Variants in SPOCK3 observed in about 807,000 individuals in gnomAD.
SPOCK3 encodes the protein SPARC (osteonectin), cwcv and kazal like domains proteoglycan 3.
A neutral mutation model predicts 56.6 loss-of-function variants in SPOCK3; 30 were observed. That is an observed-to-expected ratio of 0.53 (90% CI 0.40 to 0.72). SPOCK3 has a LOEUF of 0.72. SPOCK3 is among the 30% of genes least tolerant of loss of function. The pLI, the probability that SPOCK3 is intolerant of heterozygous loss-of-function variation, is 0.00. For synonymous variants in SPOCK3, 196 were observed against 183.3 expected (o/e 1.07, Z -0.56); for missense variants, 527 against 530.0 (o/e 0.99, Z 0.06).
At chr4:167,117,742 A>G (rs34560893) in intron 2 of SPOCK3, among the ~76,000 whole-genome samples, 3,924 of 152,268 alleles carry the variant, frequency 0.026, 83 homozygotes, top group Middle Eastern at 0.065. Context: ...CTGAGAACTG[A>G]TGGTTAGGCT....
At chr4:166,750,041 A>C (rs932187216) in intron 8 of SPOCK3, among the ~76,000 whole-genome samples, 1 of 152,192 alleles carries the variant, frequency 6.6e-6, no homozygotes, top group Non-Finnish European at 1.5e-5. Context: ...AATTTTGATT[A>C]GTAACCTCAG....
At chr4:167,103,222 T>C (rs554364458) in intron 2 of SPOCK3, among the ~76,000 whole-genome samples, 5 of 152,190 alleles carry the variant, frequency 3.3e-5, no homozygotes, top group African/African-American at 1.2e-4. Context: ...ACCATGGACC[T>C]TGAGTAAGAT....
In SPOCK3 at chr4:166,931,734, A is replaced by C. The variant is rs182908352; in HGVS notation, c.351-18991T>G. Among the ~76,000 whole-genome samples the C allele has an allele frequency of 2.3e-3, 345 of 152,286 alleles. 1 individual carries two copies. The highest frequency in any genetic ancestry group is 3.3e-3 in the Non-Finnish European group (223 of 68,014). On this transcript the variant is annotated intron_variant, in intron 4 of 10. Coordinates refer to ENST00000357545, the MANE Select transcript of SPOCK3 (RefSeq NM_001040159.2). ...AAAGTTCATTTCCCAAGTATTGATC[A>C]CTTGTGTTATGTTTTCTAATTCTGA...
At chr4:166,979,181 T>G (rs530068640) in intron 4 of SPOCK3, among the ~76,000 whole-genome samples, 2 of 152,294 alleles carry the variant, frequency 1.3e-5, no homozygotes, top group Non-Finnish European at 2.9e-5. Context: ...TCTTTATTTC[T>G]GGTGAGACTG....
chr4:167,234,008 C>T lies in SPOCK3; in HGVS notation c.166G>A (p.Gly56Arg), dbSNP rs949338531. The T allele has an allele frequency of 2.5e-6, 4 of 1,613,934 alleles. No individual in the cohort carries two copies. Among genetic ancestry groups the T allele is most frequent in the Non-Finnish European group, 3.4e-6 (4 of 1,179,900 alleles). ...ACGTCTCGGAATTTGTTCCACTGTCCGACTTCCTTGTCATACTGAGAGATT... is the reference window on the plus strand; with the variant it reads ...ACGTCTCGGAATTTGTTCCACTGTCTGACTTCCTTGTCATACTGAGAGATT... ...TTISQYDKEV[G>R]QWNKFRDDDY... is the part of the protein sequence containing the mutation. Residue 56 changes from glycine to arginine, a missense_variant, in exon 2 of 11, where the codon GGA (glycine) becomes AGA (arginine). Gly to Arg is a moderately radical substitution (Grantham distance 125). Coordinates refer to ENST00000357545, the MANE Select transcript of SPOCK3 (RefSeq NM_001040159.2).
chr4:166,970,169 A>T (rs1243712866), intron 4 of SPOCK3, among the ~76,000 whole-genome samples: 1 of 152,190 alleles, frequency 6.6e-6, no homozygotes, highest in Non-Finnish European at 1.5e-5. Flanking sequence ...CCACTTCATC[A>T]TCTTACCAGA....
chr4:166,970,599 C>T (rs1024764335), intron 4 of SPOCK3, among the ~76,000 whole-genome samples: 7 of 152,048 alleles, frequency 4.6e-5, no homozygotes, highest in African/African-American at 1.7e-4. Context: ...TAGGTGTTGC[C>T]TGTAATCCCA....
intron 2 of SPOCK3, among the ~76,000 whole-genome samples, chr4:167,137,430 G>A (rs553002501): frequency 2.5e-4 from 38 of 151,818 alleles, no homozygotes; most frequent in African/African-American, 7.7e-4. Flanking sequence ...TCAATATGGA[G>A]GAGGATAGAA....
At position 167,028,324 on chromosome 4, in the gene SPOCK3, C is replaced by T. The variant is rs1321039407; in HGVS notation, c.236-27861G>A. Among the ~76,000 whole-genome samples, 9 of 151,560 alleles carry T rather than the reference C, an allele frequency of 5.9e-5. No individual in the cohort carries two copies. In the South Asian group the frequency reaches 1.9e-3, roughly 32 times the overall value. On this transcript the variant is annotated intron_variant, in intron 3 of 10. Coordinates refer to ENST00000357545, the MANE Select transcript of SPOCK3 (RefSeq NM_001040159.2). ...CCCAGGAGATTGAGGCCGTAGTGAG[C>T]TATGATCACAATGCTGCACTCCAGC...
chr4:167,210,160 C>T (rs1734733274), intron 2 of SPOCK3, among the ~76,000 whole-genome samples: 1 of 152,146 alleles, frequency 6.6e-6, no homozygotes, highest in Admixed American at 6.6e-5. Flanking sequence ...TGTTTACGCA[C>T]ATTTAATTTC....
chr4:167,194,885 C>T (rs1732793163), intron 2 of SPOCK3, among the ~76,000 whole-genome samples: 1 of 152,174 alleles, frequency 6.6e-6, no homozygotes, highest in Non-Finnish European at 1.5e-5. Context: ...ATATGGCTCC[C>T]ACTAGGTATC....
At chr4:166,941,402 T>G (rs1462601332) in intron 4 of SPOCK3, among the ~76,000 whole-genome samples, 1 of 152,234 alleles carries the variant, frequency 6.6e-6, no homozygotes, top group Admixed American at 6.5e-5. Context: ...TCATATGTCT[T>G]GTAACTGTTT....
rs191979075 is a variant in SPOCK3 at position 166,801,059 on chromosome 4, T to C, written c.590-8770A>G. Among the ~76,000 whole-genome samples, 166 of 152,326 alleles carry C rather than the reference T, an allele frequency of 1.1e-3. 1 individual carries two copies. The highest frequency in any genetic ancestry group is 3.8e-3 in the African/African-American group (160 of 41,582). On this transcript the variant is annotated intron_variant, in intron 6 of 10. Coordinates refer to ENST00000357545, the MANE Select transcript of SPOCK3 (RefSeq NM_001040159.2). ...TACAATATTTAGTACATTACCATGA[T>C]GTACAGATTTGTGGCCTGGGAGCAA...
intron 7 of SPOCK3, among the ~76,000 whole-genome samples, chr4:166,766,663 T>C (rs1560832744): frequency 6.6e-6 from 1 of 152,170 alleles, no homozygotes; most frequent in Non-Finnish European, 1.5e-5. Context: ...TTTTGCTGTG[T>C]CTCTGCCAGG....
At chr4:167,122,719 T>C (rs1475539036) in intron 2 of SPOCK3, among the ~76,000 whole-genome samples, 3 of 152,194 alleles carry the variant, frequency 2.0e-5, no homozygotes, top group East Asian at 1.9e-4. Flanking sequence ...TAAAGAGATA[T>C]ATGAATATTA....
chr4:166,929,250 T>C (rs1739465294), intron 4 of SPOCK3, among the ~76,000 whole-genome samples: 2 of 152,156 alleles, frequency 1.3e-5, no homozygotes, highest in East Asian at 1.9e-4. Context: ...CTGGTTTGAA[T>C]TGATGGTTTA....
At chr4:166,975,053 G>A (rs894239737) in intron 4 of SPOCK3, among the ~76,000 whole-genome samples, 2 of 152,082 alleles carry the variant, frequency 1.3e-5, no homozygotes, top group Non-Finnish European at 2.9e-5. Flanking sequence ...GCCAGTTTAG[G>A]CTGTCACCCT....
At chr4:167,182,741 T>A (rs995375051) in intron 2 of SPOCK3, among the ~76,000 whole-genome samples, 4 of 152,148 alleles carry the variant, frequency 2.6e-5, no homozygotes, top group African/African-American at 9.7e-5. Context: ...TTTCACCATA[T>A]TAGTTAAGCT....
intron 2 of SPOCK3, among the ~76,000 whole-genome samples, chr4:167,070,926 T>G (rs1429268786): frequency 6.6e-6 from 1 of 152,006 alleles, no homozygotes; most frequent in Non-Finnish European, 1.5e-5. Flanking sequence ...TCATTTTCCA[T>G]GTTGTGTCTT....
Sources: allele counts gnomAD v4.1 joint callset (sites outside exome capture counted in the v4.1 genomes callset), GRCh38; gene constraint gnomAD v4.1.1; transcripts MANE v1.5; gene names NCBI Gene and HGNC (gene_info 2026-07-23, HGNC 2026-07-21).